The following GSPT1 variants were observed in gnomAD, a reference collection of about 807,000 sequenced individuals.
GSPT1 encodes the protein G1 to S phase transition 1.
In GSPT1, 20 loss-of-function variants were observed where a neutral mutation model predicts 72.5. The ratio of observed to expected loss-of-function variants is 0.28; its 90% confidence interval spans 0.19 to 0.40. The LOEUF (loss-of-function observed/expected upper bound fraction) is 0.40, where lower values mean the gene tolerates loss of function less well. Ranked by LOEUF, GSPT1 falls within the 10% of genes least tolerant of loss-of-function variation. The pLI is 1.00. For synonymous variants in GSPT1, 334 were observed against 293.5 expected, an observed-to-expected ratio of 1.14 and a Z score of -1.41; for missense variants, 580 against 811.9, an observed-to-expected ratio of 0.71 and a Z score of 3.47.
chr16:11,889,329 C>CTTTTTTTTTT (rs902991145), intron 6 of GSPT1, among the ~76,000 whole-genome samples: 7 of 60,038 alleles, frequency 1.2e-4, no homozygotes, highest in African/African-American at 3.0e-4. Context: ...CCCTCTTCTT[C>CTTTTTTTTTT]TTTTTTTTTT....
intron 7 of GSPT1, 53 bp from the exon 8 acceptor site, chr16:11,886,984 T>G: frequency 1.5e-6 from 2 of 1,349,068 alleles, no homozygotes; most frequent in South Asian, 1.3e-5. Context: ...CATACCCTTA[T>G]GGCAGTAAAA....
rs781457319 is a variant in GSPT1, at chr16:11,915,886, G to C, written c.-166C>G. 3 of 999,748 alleles carry C rather than the reference G, an allele frequency of 3.0e-6. No homozygotes were observed. Among genetic ancestry groups the C allele is most frequent in the East Asian group, 4.9e-5 (2 of 40,604 alleles). 61.9% of individuals were successfully genotyped at this position (999,748 alleles called of 1,614,324 possible). A position where few individuals can be genotyped will look rare whatever the true frequency, so the allele number is the denominator to read the frequency against. On this transcript the variant is annotated 5_prime_UTR_variant, in exon 1 of 15. Transcript: ENST00000434724. Reference sequence around the variant, plus strand: ...TCGCCGCGGCAGCAGCTCCAGTCCCGACTCCACACTCGCGACGACGACAGA... The same window carrying C: ...TCGCCGCGGCAGCAGCTCCAGTCCCCACTCCACACTCGCGACGACGACAGA...
chr16:11,901,264 C>T (rs1303725801), intron 1 of GSPT1, among the ~76,000 whole-genome samples: 1 of 152,162 alleles, frequency 6.6e-6, no homozygotes, highest in African/African-American at 2.4e-5. Context: ...ACATAACATC[C>T]AGATTTTACT....
chr16:11,873,453 G>A (rs2054001469), intron 14 of GSPT1, among the ~76,000 whole-genome samples: 1 of 152,062 alleles, frequency 6.6e-6, no homozygotes, highest in Non-Finnish European at 1.5e-5. Flanking sequence ...CTGAGATACA[G>A]ATGCCTGCCA....
In GSPT1 at chr16:11,878,832, G is replaced by A. The variant is rs138446514; in HGVS notation, c.1429-1252C>T. Among the ~76,000 whole-genome samples, 488 of 151,910 alleles carry A rather than the reference G, an allele frequency of 3.2e-3. 4 individuals carry two copies. Among genetic ancestry groups the A allele is most frequent in the African/African-American group, 0.011 (452 of 41,444 alleles). On this transcript the variant is annotated intron_variant, in intron 11 of 14. Transcript: ENST00000434724. Reference sequence around the variant, plus strand: ...TCACGCCTCAGCATTTTGGGAGGCCGAGGCGGGTGATCACCTGAGATCAGG... The same window carrying A: ...TCACGCCTCAGCATTTTGGGAGGCCAAGGCGGGTGATCACCTGAGATCAGG...
At chr16:11,876,748 A>C (rs919988735) in intron 12 of GSPT1, among the ~76,000 whole-genome samples, 4 of 152,154 alleles carry the variant, frequency 2.6e-5, no homozygotes, top group Non-Finnish European at 5.9e-5. Flanking sequence ...ATCTCCAAAC[A>C]AAACAAAAGA....
At chr16:11,912,368 A>G (rs535259441) in intron 1 of GSPT1, among the ~76,000 whole-genome samples, 1 of 152,160 alleles carries the variant, frequency 6.6e-6, no homozygotes, top group African/African-American at 2.4e-5. Flanking sequence ...AAAAACAAAA[A>G]AAAAACCTCC....
chr16:11,906,189 GCCA>G, intron 1 of GSPT1, among the ~76,000 whole-genome samples: 1 of 152,036 alleles, frequency 6.6e-6, no homozygotes, highest in East Asian at 1.9e-4. Flanking sequence ...TCAGGCATGA[GCCA>G]CCACAACTGG....
rs1469613400 is a variant in GSPT1 at position 11,872,511 on chromosome 16, C to A, written c.*608G>T. On this transcript the variant is annotated 3_prime_UTR_variant, in exon 15 of 15. Transcript: ENST00000434724. ...GTCAAACTAATCCTTTCCTTTAATA[C>A]AAACTTGAACGCTGTGAATGTCTCA... 6.6e-6 allele frequency: 1 copy of A among 152,062 alleles called. No individual in the cohort carries two copies. 9.4% of individuals were successfully genotyped at this position (152,062 alleles called of 1,614,324 possible).
intron 1 of GSPT1, among the ~76,000 whole-genome samples, chr16:11,905,911 G>C (rs2054483220): frequency 1.3e-5 from 2 of 152,070 alleles, no homozygotes; most frequent in African/African-American, 2.4e-5. Context: ...CTAGATTGTA[G>C]ACTTCCAGAA....
intron 14 of GSPT1, among the ~76,000 whole-genome samples, chr16:11,874,454 C>CTTTTTTTTTTTTTTTTTTTTTTTTTTT (rs200991035): frequency 1.0e-5 from 1 of 95,892 alleles, no homozygotes; most frequent in Non-Finnish European, 2.0e-5. Flanking sequence ...GCCAAGTTAG[C>CTTTTTTTTTTTTTTTTTTTTTTTTTTT]TTTTTTTTTT....
chr16:11,879,738 C>CAAAAAAAAAAAAA (rs1195456490), intron 11 of GSPT1, among the ~76,000 whole-genome samples: 2 of 84,306 alleles, frequency 2.4e-5, no homozygotes, highest in East Asian at 3.7e-4. Context: ...GACTCCGTCT[C>CAAAAAAAAAAAAA]AAAAAAAAAA....
At chr16:11,905,759 G>A (rs966947767) in intron 1 of GSPT1, among the ~76,000 whole-genome samples, 7 of 152,010 alleles carry the variant, frequency 4.6e-5, no homozygotes, top group South Asian at 2.1e-4. Context: ...GGCTTGAACC[G>A]GGGAGGTGGA....
chr16:11,914,397 AC>A (rs1338729326), intron 1 of GSPT1, among the ~76,000 whole-genome samples: 2 of 152,294 alleles, frequency 1.3e-5, no homozygotes, highest in Middle Eastern at 3.4e-3. Context: ...GACTTAAGCA[AC>A]CCCTAAGTAC....
Position 11,887,682 on chromosome 16 carries a change from C to T in GSPT1, c.845G>A (p.Arg282His), listed in dbSNP as rs767004325. Residue 282 changes from arginine (R) to histidine (H), a missense_variant, in exon 7 of 15, where the codon CGT (arginine) becomes CAT (histidine). By Grantham distance (29) the Arg-to-His change is conservative. This residue lies in a region of GSPT1 where 51 missense variants were observed against 118.2 expected (regional missense o/e 0.43). Coordinates refer to ENST00000434724, the MANE Select transcript of GSPT1 (RefSeq NM_002094.4). ...RDKGKTVEVG[R>H]AYFETEKKHF... ...CTTCTTTTCGGTTTCAAAATAGGCA[C>T]GACCCACTTCTACTGTTTTACCCTT... 2.5e-6 allele frequency: 4 copies of T among 1,612,816 alleles called. No individual in the cohort carries two copies. The highest frequency in any genetic ancestry group is 2.2e-5 in the South Asian group (2 of 91,058).
chr16:11,915,487 G>A lies in GSPT1; in HGVS notation c.234C>T (p.Pro78=). Residue 78 remains proline, a synonymous_variant, in exon 1 of 15, where the codon CCC becomes CCT. Coordinates refer to ENST00000434724, the MANE Select transcript of GSPT1 (RefSeq NM_002094.4). The stretch of plus-strand genomic sequence containing the variant: ...GCACGAACTCGGCGGCGTGGACGTT[G>A]GGCACGAAGGGCTTGGCGTTGACGT... ...QLNVNAKPFV[P]NVHAAEFVPS... The A allele has an allele frequency of 1.3e-6, 2 of 1,552,388 alleles. No homozygotes were observed.
intron 12 of GSPT1, among the ~76,000 whole-genome samples, chr16:11,876,487 T>C (rs1190448593): frequency 6.6e-6 from 1 of 152,084 alleles, no homozygotes; most frequent in Non-Finnish European, 1.5e-5. Flanking sequence ...CTCAGCACTT[T>C]GGGAGGCCGA....
At position 11,872,166 on chromosome 16, in the gene GSPT1, G is replaced by C. The variant is rs1360964868; in HGVS notation, c.*953C>G. On this transcript the variant is annotated 3_prime_UTR_variant, in exon 15 of 15. Transcript: ENST00000434724. ...CAACTGATACGGTTTTCATACTAGA[G>C]GCATGCAGCTCTATTTATAAATACT... 6.6e-6 allele frequency: 1 copy of C among 152,040 alleles called. No homozygotes were observed. The highest frequency in any genetic ancestry group is 1.5e-5 in the Non-Finnish European group (1 of 68,010). The allele number at this position is 152,040 out of a possible 1,614,324, so 9.4% of individuals were successfully genotyped here. A position where few individuals can be genotyped will look rare whatever the true frequency, so the allele number is the denominator to read the frequency against.
intron 1 of GSPT1, among the ~76,000 whole-genome samples, chr16:11,900,918 C>T (rs1003905117): frequency 1.3e-5 from 2 of 152,048 alleles, no homozygotes; most frequent in African/African-American, 2.4e-5. Flanking sequence ...TCCTAAACCT[C>T]TGGGAGTCCA....
Sources: allele counts gnomAD v4.1 joint callset (sites outside exome capture counted in the v4.1 genomes callset), GRCh38; gene constraint gnomAD v4.1.1; regional missense constraint gnomAD v4.1.1; transcripts MANE v1.5; gene names NCBI Gene and HGNC (gene_info 2026-07-23, HGNC 2026-07-21).